Variants in ZNF532 observed in about 807,000 individuals in gnomAD.
ZNF532 encodes the protein zinc finger protein 532.
A neutral mutation model predicts 89.3 loss-of-function variants in ZNF532; 22 were observed. That is an observed-to-expected ratio of 0.25 (90% CI 0.18 to 0.35). The LOEUF (loss-of-function observed/expected upper bound fraction) is 0.35, where lower values mean the gene tolerates loss of function less well. Among genes scored for constraint, ZNF532 ranks in the 10% least tolerant of loss-of-function variants. The pLI is 1.00. For missense variants in ZNF532, 1,132 were observed against 1,643.4 expected, an observed-to-expected ratio of 0.69 and a Z score of 5.38; for synonymous variants, 606 against 649.6, an observed-to-expected ratio of 0.93 and a Z score of 1.02.
At chr18:58,944,834 C>A (rs533780484) in intron 5 of ZNF532, among the ~76,000 whole-genome samples, 11 of 152,280 alleles carry the variant, frequency 7.2e-5, no homozygotes, top group Non-Finnish European at 1.5e-4. Flanking sequence ...GCATCTTTTT[C>A]CCCCAGATTC....
intron 7 of ZNF532, among the ~76,000 whole-genome samples, chr18:58,975,293 T>C (rs2066916768): frequency 6.6e-6 from 1 of 152,168 alleles, no homozygotes; most frequent in Non-Finnish European, 1.5e-5. Flanking sequence ...AAGGAGGCTC[T>C]TGCATGTTGG....
At chr18:58,981,203 G>A (rs1051350896) in intron 8 of ZNF532, 16 of 436,852 alleles carry the variant, frequency 3.7e-5, no homozygotes, top group African/African-American at 3.2e-4. Context: ...TGTTCAGCAT[G>A]GTGCTCATTC....
rs956895724 is a variant in ZNF532, at chr18:58,986,115, T to C, written c.*1649T>C. ...AATCAGCTATTTTGTCACTTTCTTG[T>C]TGACTCCATCAGTACATGGGTACAA... is the stretch of plus-strand genomic sequence containing the variant. On this transcript the variant is annotated 3_prime_UTR_variant, in exon 10 of 10. Transcript: ENST00000591808. 1.3e-5 allele frequency: 2 copies of C among 152,672 alleles called. No homozygotes were observed. Among genetic ancestry groups the C allele is most frequent in the Non-Finnish European group, 2.9e-5 (2 of 68,042 alleles). 9.5% of individuals were successfully genotyped at this position (152,672 alleles called of 1,614,324 possible). A position where few individuals can be genotyped will look rare whatever the true frequency, so the allele number is the denominator to read the frequency against.
intron 4 of ZNF532, among the ~76,000 whole-genome samples, 187 bp from the exon 5 acceptor site, chr18:58,939,258 A>AAC (rs2062759084): frequency 6.8e-6 from 1 of 146,976 alleles, no homozygotes; most frequent in Non-Finnish European, 1.5e-5. Flanking sequence ...AAAAAAAAAA[A>AAC]AAAAAAAAAA....
At position 58,926,045 on chromosome 18, in the gene ZNF532, A is replaced by G. The variant is rs186779273; in HGVS notation, c.2346+5412A>G. Among the ~76,000 whole-genome samples, 76 of 152,286 alleles carry G rather than the reference A, an allele frequency of 5.0e-4. 1 individual carries two copies. The highest frequency in any genetic ancestry group is 2.0e-3 in the Admixed American group (31 of 15,296). On this transcript the variant is annotated intron_variant, in intron 3 of 9. Transcript: ENST00000591808. ...GCTTCCAATTTATTTTTCTTTTCCA[A>G]AATTGTTTTCACTCATCTAGTTCTT...
At chr18:58,926,823 G>A (rs1428773035) in intron 3 of ZNF532, among the ~76,000 whole-genome samples, 1 of 151,982 alleles carries the variant, frequency 6.6e-6, no homozygotes, top group Non-Finnish European at 1.5e-5. Flanking sequence ...CTTTTTTTTG[G>A]ATAGATTATA....
At chr18:58,934,780 T>C (rs2062235990) in intron 4 of ZNF532, among the ~76,000 whole-genome samples, 166 bp downstream of exon 4, 1 of 152,186 alleles carries the variant, frequency 6.6e-6, no homozygotes, top group African/African-American at 2.4e-5. Flanking sequence ...TTGAATCCTC[T>C]TAATGTAATA....
At chr18:58,913,151 G>T (rs755684982) in intron 2 of ZNF532, among the ~76,000 whole-genome samples, 4 of 152,190 alleles carry the variant, frequency 2.6e-5, no homozygotes, top group Non-Finnish European at 5.9e-5. Flanking sequence ...TTCTTTGGTG[G>T]AAGAGATACA....
At position 58,940,740 on chromosome 18, in the gene ZNF532, T is replaced by G. The variant is rs980170439; in HGVS notation, c.2705+1119T>G. Among the ~76,000 whole-genome samples the G allele has an allele frequency of 8.5e-5, 13 of 152,192 alleles. No homozygotes were observed. In the East Asian group the frequency reaches 2.3e-3, roughly 27 times the overall value. ...CCTGTGTGTCTTCGCTCCCTCCTTG[T>G]GCACACAGCACTGGATTAATGCTCC... is the stretch of plus-strand genomic sequence containing the variant. On this transcript the variant is annotated intron_variant, in intron 5 of 9. Transcript: ENST00000591808.
intron 5 of ZNF532, among the ~76,000 whole-genome samples, chr18:58,943,191 G>T (rs1227425514): frequency 5.1e-5 from 7 of 136,424 alleles, no homozygotes; most frequent in African/African-American, 5.6e-5. Context: ...ATGGAGTCTC[G>T]CTCTGTCACC....
chr18:58,971,503 C>T (rs772870136), intron 7 of ZNF532, among the ~76,000 whole-genome samples: 1 of 152,144 alleles, frequency 6.6e-6, no homozygotes, highest in Non-Finnish European at 1.5e-5. Flanking sequence ...TAATTATTAT[C>T]GTCTATTCTT....
At chr18:58,965,029 TTATTA>T (rs1243617268) in intron 7 of ZNF532, among the ~76,000 whole-genome samples, 4 of 149,300 alleles carry the variant, frequency 2.7e-5, no homozygotes, top group African/African-American at 9.9e-5. Context: ...ATACTAACTT[TTATTA>T]TAATTTATAT....
intron 2 of ZNF532, among the ~76,000 whole-genome samples, chr18:58,888,867 TAATATATATTATATATATATATTTTATA>T (rs2058648706): frequency 2.2e-5 from 1 of 45,236 alleles, no homozygotes; most frequent in African/African-American, 9.8e-5. Flanking sequence ...TATATATATA[TAATATATATTATATATATATATTTTATA>T]TATATATATA....
rs762180435 is a variant in ZNF532 at position 58,918,780 on chromosome 18, A to T, written c.493A>T (p.Thr165Ser). The change falls in exon 3 of 10, where the codon ACG (threonine) becomes TCG (serine). Residue 165 changes from threonine (T) to serine (S), a missense_variant. Thr to Ser is a moderately conservative substitution (Grantham distance 58). Coordinates refer to ENST00000591808, the MANE Select transcript of ZNF532 (RefSeq NM_001375912.1). ...MRSSFRSNVL[T>S]GSAPQQDYDK... Reference sequence around the variant, plus strand: ...ATCAAGCTTCAGGTCGAATGTGTTGACGGGGTCGGCTCCCCAGCAGGACTA... The same window carrying T: ...ATCAAGCTTCAGGTCGAATGTGTTGTCGGGGTCGGCTCCCCAGCAGGACTA... 6.2e-7 allele frequency: 1 copy of T among 1,614,124 alleles called. No homozygotes were observed. Among genetic ancestry groups the T allele is most frequent in the Non-Finnish European group, 8.5e-7 (1 of 1,180,026 alleles).
intron 2 of ZNF532, among the ~76,000 whole-genome samples, chr18:58,873,533 C>G (rs2057170368): frequency 6.6e-6 from 1 of 151,986 alleles, no homozygotes; most frequent in South Asian, 2.1e-4. Context: ...ACTGCAACCT[C>G]TGCCTCCTGG....
rs769481553 is a variant in ZNF532, at chr18:58,920,239, A to G, written c.1952A>G (p.Lys651Arg). The change falls in exon 3 of 10, where the codon AAG becomes AGG. Residue 651 changes from lysine (K) to arginine (R), a missense_variant. By Grantham distance (26) the Lys-to-Arg change is conservative. This residue lies in a region of ZNF532 where 70 missense variants were observed against 152.1 expected (regional missense o/e 0.46). Transcript: ENST00000591808. ...GAAGTAACGTGCAACCATTGTACAA[A>G]GAACCTCGTTTTTTACAACAAATGC... is the stretch of plus-strand genomic sequence containing the variant. ...RIEVTCNHCT[K>R]NLVFYNKCSL... 5.0e-6 allele frequency: 8 copies of G among 1,613,968 alleles called. No individual in the cohort carries two copies. Among genetic ancestry groups the G allele is most frequent in the Non-Finnish European group, 6.8e-6 (8 of 1,179,844 alleles).
intron 2 of ZNF532, among the ~76,000 whole-genome samples, chr18:58,906,955 T>C (rs549849632): frequency 6.6e-6 from 1 of 152,314 alleles, no homozygotes; most frequent in Admixed American, 6.5e-5. Flanking sequence ...TAATGTTAAA[T>C]TTTAACAAAG....
At chr18:58,866,214 G>T (rs1460544680) in intron 2 of ZNF532, among the ~76,000 whole-genome samples, 1 of 152,192 alleles carries the variant, frequency 6.6e-6, no homozygotes, top group African/African-American at 2.4e-5. Flanking sequence ...TCTGTGAAAA[G>T]ATGCCTGTTA....
chr18:58,906,391 A>G (rs373407442), intron 2 of ZNF532, among the ~76,000 whole-genome samples: 2 of 152,024 alleles, frequency 1.3e-5, no homozygotes, highest in East Asian at 1.9e-4. Flanking sequence ...ATGGGCTTCT[A>G]TGTCCCTTTG....
Sources: allele counts gnomAD v4.1 joint callset (sites outside exome capture counted in the v4.1 genomes callset), GRCh38; gene constraint gnomAD v4.1.1; regional missense constraint gnomAD v4.1.1; transcripts MANE v1.5; gene names NCBI Gene and HGNC (gene_info 2026-07-23, HGNC 2026-07-21).